Variants in EML4 observed in about 807,000 individuals in gnomAD.
The protein encoded by EML4 is EMAP like 4.
A neutral mutation model predicts 129.0 loss-of-function variants in EML4; 72 were observed. The ratio of observed to expected loss-of-function variants is 0.56; its 90% CI spans 0.46 to 0.68. EML4 has a LOEUF of 0.68. Among genes scored for constraint, EML4 ranks in the 30% least tolerant of loss-of-function variants. The probability of loss-of-function intolerance (pLI) is 0.00; values close to 1 mark genes in which losing one functional copy is unlikely to be tolerated. For synonymous variants in EML4, 532 were observed against 405.0 expected, an observed-to-expected ratio of 1.31 and a Z score of -3.77; for missense variants, 1,363 against 1,190.6, an observed-to-expected ratio of 1.14 and a Z score of -2.13.
chr2:42,174,295 T>TTG (rs372684319), intron 1 of EML4, among the ~76,000 whole-genome samples: 15 of 152,042 alleles, frequency 9.9e-5, no homozygotes, highest in African/African-American at 1.7e-4. Flanking sequence ...GTATATTTCT[T>TTG]TGTGTGTGTG....
chr2:42,264,100 C>G (rs1665906090), intron 5 of EML4, among the ~76,000 whole-genome samples: 2 of 109,390 alleles, frequency 1.8e-5, no homozygotes, highest in African/African-American at 3.2e-5. Flanking sequence ...TCAAACAATA[C>G]GTGTTTTTTT....
chr2:42,325,211 A>C (rs1553396888), intron 19 of EML4: 2 of 562,144 alleles, frequency 3.6e-6, no homozygotes, highest in South Asian at 2.8e-5. Context: ...AGTTTAAGAG[A>C]CTGTCTTTCT....
At chr2:42,262,661 C>T (rs1665805988) in intron 4 of EML4, among the ~76,000 whole-genome samples, 2 of 152,142 alleles carry the variant, frequency 1.3e-5, no homozygotes, top group African/African-American at 2.4e-5. Flanking sequence ...CCAATAACCA[C>T]ATTCTTATAT....
intron 17 of EML4, among the ~76,000 whole-genome samples, chr2:42,304,836 A>G (rs1311717657): frequency 6.6e-6 from 1 of 152,224 alleles, no homozygotes; most frequent in Non-Finnish European, 1.5e-5. Flanking sequence ...AGAATAAAAA[A>G]TAAGCCCTGA....
chr2:42,286,216 G>C (rs1369389535), intron 9 of EML4, 53 bp from the exon 10 acceptor site: 1 of 959,146 alleles, frequency 1.0e-6, no homozygotes, highest in Non-Finnish European at 1.7e-6. Flanking sequence ...TGTGCTATTG[G>C]TGTTTATTTG....
At chr2:42,253,683 C>T (rs964670649) in intron 2 of EML4, among the ~76,000 whole-genome samples, 1 of 152,088 alleles carries the variant, frequency 6.6e-6, no homozygotes, top group Non-Finnish European at 1.5e-5. Context: ...AGAGTTATTT[C>T]AACCCTAATT....
chr2:42,293,764 C>G (rs1463456803), intron 11 of EML4, among the ~76,000 whole-genome samples: 2 of 152,172 alleles, frequency 1.3e-5, no homozygotes, highest in Non-Finnish European at 2.9e-5. Flanking sequence ...CGCCCACCAC[C>G]ACGCCCAGCT....
intron 10 of EML4, among the ~76,000 whole-genome samples, chr2:42,287,923 A>T (rs1403519314): frequency 6.6e-6 from 1 of 152,184 alleles, no homozygotes. Flanking sequence ...CATAAGATGC[A>T]GAAGGGACTA....
chr2:42,279,700 T>C (rs553962018), intron 6 of EML4, among the ~76,000 whole-genome samples: 1 of 152,142 alleles, frequency 6.6e-6, no homozygotes, highest in East Asian at 1.9e-4. Context: ...GGTCTCAATC[T>C]CCTGACCTCA....
intron 1 of EML4, among the ~76,000 whole-genome samples, chr2:42,203,834 T>C (rs1234580241): frequency 3.3e-5 from 5 of 151,978 alleles, no homozygotes; most frequent in Admixed American, 1.3e-4. Flanking sequence ...ATAGTAACTA[T>C]AGTGGTAATA....
rs1198988195 is a variant in EML4 at position 42,332,259 on chromosome 2, A to G, written c.*2052A>G. On this transcript the variant is annotated 3_prime_UTR_variant, in exon 23 of 23. Transcript: ENST00000318522. The stretch of plus-strand genomic sequence containing the variant: ...GGTTGCCATGTACAATGAGATTTAT[A>G]ATCATGATACTCTTCGGTGGTAGTT... 4.6e-6 allele frequency: 1 copy of G among 215,462 alleles called. No individual in the cohort carries two copies. The highest frequency in any genetic ancestry group is 2.3e-5 in the African/African-American group (1 of 44,290). 13.3% of individuals were successfully genotyped at this position (215,462 alleles called of 1,614,324 possible).
chr2:42,222,915 C>A (rs1168399832), intron 1 of EML4, among the ~76,000 whole-genome samples: 1 of 152,128 alleles, frequency 6.6e-6, no homozygotes, highest in Non-Finnish European at 1.5e-5. Flanking sequence ...TCTCCTGCCT[C>A]AGCCTCCCAA....
In EML4 at chr2:42,330,937, T is replaced by C. The variant is rs1480815385; in HGVS notation, c.*730T>C. 5.4e-5 allele frequency: 11 copies of C among 204,174 alleles called. No individual in the cohort carries two copies. The highest frequency in any genetic ancestry group is 8.0e-5 in the Non-Finnish European group (8 of 99,478). The allele number at this position is 204,174 out of a possible 1,614,324, so 12.6% of individuals were successfully genotyped here. A position where few individuals can be genotyped will look rare whatever the true frequency, so the allele number is the denominator to read the frequency against. ...TTTGTTAAAGAGCTTTCAATGTATA[T>C]TAAAACCTTCAATACTCAGAAATGA... On this transcript the variant is annotated 3_prime_UTR_variant, in exon 23 of 23. Transcript: ENST00000318522.
At chr2:42,196,346 A>G (rs1671895761) in intron 1 of EML4, among the ~76,000 whole-genome samples, 1 of 152,202 alleles carries the variant, frequency 6.6e-6, no homozygotes, top group Non-Finnish European at 1.5e-5. Context: ...ACGCTTGCTT[A>G]TGGTATATAT....
intron 19 of EML4, chr2:42,325,088 C>T (rs1436801524): frequency 2.4e-6 from 1 of 408,248 alleles, no homozygotes; most frequent in African/African-American, 2.0e-5. Flanking sequence ...GCCTTATGCA[C>T]AACTTATAAC....
chr2:42,214,027 G>A lies in EML4; in HGVS notation c.26-31478G>A, dbSNP rs546960472. 1.2e-4 allele frequency among the ~76,000 whole-genome samples: 19 copies of A among 152,192 alleles called. No homozygotes were observed. The South Asian group carries it at 3.9e-3, about 32-fold the overall frequency. ...GTGTATATCAAATATTATGGTAAAC[G>A]GTGGGTAACACATATGTTTTGTGAT... On this transcript the variant is annotated intron_variant, in intron 1 of 22. Transcript: ENST00000318522.
intron 1 of EML4, among the ~76,000 whole-genome samples, chr2:42,228,037 T>C (rs907853776): frequency 1.3e-5 from 2 of 152,082 alleles, no homozygotes; most frequent in Admixed American, 1.3e-4. Flanking sequence ...CTGGCCAACA[T>C]GGTGAAACCC....
chr2:42,295,618 A>C, intron 13 of EML4, 102 bp downstream of exon 13: 1 of 912,046 alleles, frequency 1.1e-6, no homozygotes, highest in African/African-American at 1.7e-5. Flanking sequence ...GTGTAACAAT[A>C]TGAGCAAGTC....
At position 42,332,091 on chromosome 2, in the gene EML4, A is replaced by AGCATGTGC; in HGVS notation, c.*1885_*1892dup. ...GCAATGATTATTACATCATCAGATCAGCATGTGCTATACTCCCTGCAAGAA... is the reference window on the plus strand; with the variant it reads ...GCAATGATTATTACATCATCAGATCAGCATGTGCGCATGTGCTATACTCCCTGCAAGAA... On this transcript the variant is annotated 3_prime_UTR_variant, in exon 23 of 23. Transcript: ENST00000318522. 1 of 221,798 alleles carries AGCATGTGC rather than the reference A, an allele frequency of 4.5e-6. No homozygotes were observed. Among genetic ancestry groups the AGCATGTGC allele is most frequent in the Non-Finnish European group, 9.0e-6 (1 of 110,796 alleles). 13.7% of individuals were successfully genotyped at this position (221,798 alleles called of 1,614,324 possible). A position where few individuals can be genotyped will look rare whatever the true frequency, so the allele number is the denominator to read the frequency against.
Sources: gnomAD v4.1 joint callset for allele counts (sites outside exome capture counted in the v4.1 genomes callset) on GRCh38, gnomAD v4.1.1 for gene constraint, MANE v1.5 for transcripts, NCBI Gene and HGNC (gene_info 2026-07-23, HGNC 2026-07-21) for gene names.